IDNK: variants seen among roughly 807,000 people sequenced by gnomAD.
The protein encoded by IDNK is IDNK gluconokinase.
A neutral mutation model predicts 13.0 loss-of-function variants in IDNK; 9 were observed. The ratio of observed to expected loss-of-function variants is 0.69; its 90% CI spans 0.42 to 1.21. The LOEUF (loss-of-function observed/expected upper bound fraction) is 1.21. IDNK is among the 50% of genes most tolerant of loss of function. The pLI is 0.00. For missense variants in IDNK, 210 were observed against 237.8 expected (o/e 0.88, Z 0.77); for synonymous variants, 92 against 94.9 (o/e 0.97, Z 0.18).
chr9:83,624,853 A>T lies in IDNK; in HGVS notation c.50+1632A>T, dbSNP rs537240821. 2.0e-5 allele frequency among the ~76,000 whole-genome samples: 3 copies of T among 152,232 alleles called. No individual in the cohort carries two copies. In the East Asian group the frequency reaches 5.8e-4, roughly 29 times the overall value. On this transcript the variant is annotated intron_variant, in intron 1 of 4. Coordinates refer to ENST00000376419, the MANE Select transcript of IDNK (RefSeq NM_001001551.4). The stretch of plus-strand genomic sequence containing the variant: ...CTCAGGCTCCTAAGTAGCTGGGATT[A>T]TAGGCGCCCACCACCATGCACAGCT...
chr9:83,638,423 T>A (rs1831218116), intron 3 of IDNK, among the ~76,000 whole-genome samples: 1 of 152,140 alleles, frequency 6.6e-6, no homozygotes, highest in South Asian at 2.1e-4. Flanking sequence ...ACAGAAAATA[T>A]TCAAGAAAAA....
Position 83,634,906 on chromosome 9 carries a change from G to C in IDNK, c.168+5947G>C, listed in dbSNP as rs1022958668. Among the ~76,000 whole-genome samples, 136 of 152,202 alleles carry C rather than the reference G, an allele frequency of 8.9e-4. 2 individuals are homozygous for C. Among genetic ancestry groups the C allele is most frequent in the Non-Finnish European group, 1.6e-4 (11 of 68,040 alleles). On this transcript the variant is annotated intron_variant, in intron 3 of 4. Transcript: ENST00000376419. ...ATCTCTGAGTCAGTCCTAATTCATA[G>C]TTCGAATTGCCCCTTAACTCTAAGT...
At chr9:83,626,319 C>T (rs181910974) in intron 1 of IDNK, 3 of 229,368 alleles carry the variant, frequency 1.3e-5, no homozygotes, top group African/African-American at 7.1e-5. Flanking sequence ...TTCCCATCTT[C>T]TTCCTGACAG....
chr9:83,633,293 C>T (rs1031484921), intron 3 of IDNK, among the ~76,000 whole-genome samples: 3 of 152,102 alleles, frequency 2.0e-5, no homozygotes, highest in African/African-American at 7.2e-5. Flanking sequence ...GAGCCAAGAT[C>T]ACACCACTGC....
At chr9:83,628,031 G>T in intron 1 of IDNK, 150 bp from the exon 2 acceptor site, 2 of 1,461,112 alleles carry the variant, frequency 1.4e-6, no homozygotes, top group Non-Finnish European at 1.8e-6. Flanking sequence ...CAGACTCCAC[G>T]GTCACGGGCA....
At chr9:83,632,895 C>A (rs1255662633) in intron 3 of IDNK, among the ~76,000 whole-genome samples, 1 of 152,180 alleles carries the variant, frequency 6.6e-6, no homozygotes, top group East Asian at 1.9e-4. Flanking sequence ...TCAATTCCCC[C>A]CTTTCTTCAT....
At chr9:83,632,396 C>T (rs1354736307) in intron 3 of IDNK, among the ~76,000 whole-genome samples, 1 of 152,024 alleles carries the variant, frequency 6.6e-6, no homozygotes, top group African/African-American at 2.4e-5. Flanking sequence ...CACCTCCGAG[C>T]ACTGGGCTGG....
intron 3 of IDNK, among the ~76,000 whole-genome samples, chr9:83,631,774 G>A (rs1309913314): frequency 2.6e-5 from 4 of 152,102 alleles, no homozygotes; most frequent in Non-Finnish European, 4.4e-5. Context: ...GTTGGACAGT[G>A]CCAGTCTAGA....
At chr9:83,631,683 G>A (rs1411072806) in intron 3 of IDNK, among the ~76,000 whole-genome samples, 1 of 152,080 alleles carries the variant, frequency 6.6e-6, no homozygotes, top group Non-Finnish European at 1.5e-5. Flanking sequence ...CCAGCCACAT[G>A]TCAAAAGCTC....
intron 1 of IDNK, among the ~76,000 whole-genome samples, chr9:83,625,638 CTT>C (rs1830828435): frequency 6.6e-6 from 1 of 152,198 alleles, no homozygotes; most frequent in African/African-American, 2.4e-5. Context: ...TCTTTAGTGA[CTT>C]TGTGAACCCC....
intron 4 of IDNK, among the ~76,000 whole-genome samples, chr9:83,643,151 TC>T (rs1371183257): frequency 6.6e-6 from 1 of 152,228 alleles, no homozygotes. Flanking sequence ...AACAGTGTTT[TC>T]CTTTTGACAG....
intron 4 of IDNK, among the ~76,000 whole-genome samples, 184 bp from the exon 5 acceptor site, chr9:83,643,245 T>C (rs113366453): frequency 5.9e-5 from 9 of 152,250 alleles, no homozygotes; most frequent in African/African-American, 2.2e-4. Flanking sequence ...GGCCCAAGAT[T>C]GTTCACTTTA....
chr9:83,628,112 T>C, intron 1 of IDNK, 69 bp from the exon 2 acceptor site: 10 of 1,548,326 alleles, frequency 6.5e-6, no homozygotes, highest in Non-Finnish European at 8.7e-6. Flanking sequence ...TTCCCAGACA[T>C]CCTTGCACAG....
At chr9:83,623,127 G>A, upstream of IDNK, 1 of 1,402,136 alleles carries the variant, frequency 7.1e-7, no homozygotes, top group Non-Finnish European at 9.2e-7. Flanking sequence ...GTAGGCCGGG[G>A]CCGGCGGGGC....
chr9:83,637,516 A>G (rs1165239301), intron 3 of IDNK, among the ~76,000 whole-genome samples: 1 of 152,250 alleles, frequency 6.6e-6, no homozygotes. Context: ...CCAGGAGCTA[A>G]AGGTGGTTAC....
intron 3 of IDNK, among the ~76,000 whole-genome samples, chr9:83,638,912 T>C (rs1168773655): frequency 1.3e-5 from 2 of 152,038 alleles, no homozygotes; most frequent in Non-Finnish European, 2.9e-5. Flanking sequence ...ATACATAAAG[T>C]AGACAAAAGA....
chr9:83,643,075 C>T (rs989048314), intron 4 of IDNK, among the ~76,000 whole-genome samples: 4 of 152,210 alleles, frequency 2.6e-5, no homozygotes, highest in African/African-American at 9.6e-5. Context: ...TGCGACAGAG[C>T]AACGTCTGAC....
Position 83,628,212 on chromosome 9 carries a change from GT to G in IDNK, c.81+3del. On this transcript the variant is annotated splice_donor_variant, in intron 2 of 4. Coordinates refer to ENST00000376419, the MANE Select transcript of IDNK (RefSeq NM_001001551.4). LOFTEE classifies it high-confidence loss of function. ...CGTGGGCGCCCTGCTGGCATCTGAGGTTAGTAACCTGTCCTAATGCCTTCCG... is the reference window on the plus strand; with the variant it reads ...CGTGGGCGCCCTGCTGGCATCTGAGGTAGTAACCTGTCCTAATGCCTTCCG... 6.5e-7 allele frequency: 1 copy of G among 1,549,982 alleles called. No individual in the cohort carries two copies.
intron 3 of IDNK, among the ~76,000 whole-genome samples, chr9:83,631,706 T>G (rs377177456): frequency 6.6e-6 from 1 of 152,160 alleles, no homozygotes; most frequent in East Asian, 1.9e-4. Flanking sequence ...TAGCCATGAG[T>G]GGCTACTGGC....
Sources: allele counts gnomAD v4.1 joint callset (sites outside exome capture counted in the v4.1 genomes callset), GRCh38; gene constraint gnomAD v4.1.1; transcripts MANE v1.5; gene names NCBI Gene and HGNC (gene_info 2026-07-23, HGNC 2026-07-21).